The following FOXN3 variants were observed in gnomAD, a reference collection of about 807,000 sequenced individuals.
FOXN3 encodes the protein forkhead box N3, also known as forkhead box protein N3.
FOXN3 carries 7 observed loss-of-function variants against 38.4 expected under a neutral mutation model. The ratio of observed to expected loss-of-function variants is 0.18; its 90% CI spans 0.10 to 0.34. The LOEUF (loss-of-function observed/expected upper bound fraction) is 0.34. Among genes scored for constraint, FOXN3 ranks in the 10% least tolerant of loss-of-function variants. The pLI, the probability that FOXN3 is intolerant of heterozygous loss-of-function variation, is 1.00. For synonymous variants in FOXN3, 230 were observed against 242.2 expected (o/e 0.95, Z 0.47); for missense variants, 456 against 613.4 (o/e 0.74, Z 2.71).
At chr14:89,265,826 C>T (rs1310556415) in intron 4 of FOXN3, among the ~76,000 whole-genome samples, 5 of 152,086 alleles carry the variant, frequency 3.3e-5, no homozygotes, top group Admixed American at 1.3e-4. Context: ...GCCAAGGTCT[C>T]GGGGCATACG....
intron 1 of FOXN3, among the ~76,000 whole-genome samples, chr14:89,554,400 T>A (rs1895070503): frequency 6.6e-6 from 1 of 152,162 alleles, no homozygotes; most frequent in African/African-American, 2.4e-5. Context: ...TCTTCCAAAG[T>A]GCTGGGATTA....
At chr14:89,544,076 T>C (rs927339581) in intron 1 of FOXN3, among the ~76,000 whole-genome samples, 6 of 150,324 alleles carry the variant, frequency 4.0e-5, no homozygotes, top group South Asian at 2.1e-4. Context: ...TTTAGCTGCA[T>C]TTTTTTTAAG....
At chr14:89,199,579 C>T (rs1478629730) in intron 4 of FOXN3, among the ~76,000 whole-genome samples, 2 of 151,802 alleles carry the variant, frequency 1.3e-5, no homozygotes, top group East Asian at 1.9e-4. Flanking sequence ...GTGGGGGACT[C>T]GGGGGGAAAG....
At chr14:89,172,434 T>C (rs1028299181) in intron 5 of FOXN3, among the ~76,000 whole-genome samples, 2 of 152,212 alleles carry the variant, frequency 1.3e-5, no homozygotes, top group South Asian at 2.1e-4. Context: ...AGAGATTCCA[T>C]ACCACTCTAG....
intron 1 of FOXN3, among the ~76,000 whole-genome samples, chr14:89,474,922 T>C (rs1893181086): frequency 2.0e-5 from 3 of 152,132 alleles, no homozygotes; most frequent in Admixed American, 2.0e-4. Flanking sequence ...TTGAGGCAAT[T>C]TTCCTGCCTC....
intron 3 of FOXN3, among the ~76,000 whole-genome samples, chr14:89,302,843 A>C (rs941299570): frequency 6.6e-6 from 1 of 152,162 alleles, no homozygotes; most frequent in Non-Finnish European, 1.5e-5. Context: ...CTTCAAAGGC[A>C]TTGTTCAAAG....
chr14:89,570,062 G>A (rs953438610), intron 1 of FOXN3, among the ~76,000 whole-genome samples: 5 of 151,344 alleles, frequency 3.3e-5, no homozygotes, highest in East Asian at 2.0e-4. Flanking sequence ...GTGCAGTGGC[G>A]CAATCTCGGC....
intron 1 of FOXN3, among the ~76,000 whole-genome samples, chr14:89,513,897 TTCTC>T (rs375826060): frequency 2.1e-5 from 3 of 139,830 alleles, no homozygotes; most frequent in Non-Finnish European, 3.1e-5. Flanking sequence ...TTCCTTCTCT[TTCTC>T]TCTTACACAC....
At chr14:89,190,782 G>A (rs1596090585) in intron 4 of FOXN3, among the ~76,000 whole-genome samples, 1 of 152,164 alleles carries the variant, frequency 6.6e-6, no homozygotes, top group Non-Finnish European at 1.5e-5. Context: ...TGAGGAGCAG[G>A]AGAGTCAGTG....
At chr14:89,462,994 C>T (rs1892879801) in intron 1 of FOXN3, among the ~76,000 whole-genome samples, 1 of 151,392 alleles carries the variant, frequency 6.6e-6, no homozygotes, top group Non-Finnish European at 1.5e-5. Flanking sequence ...CTCTCTTCCT[C>T]TTCTTAAAAA....
chr14:89,594,747 G>A (rs916700496), intron 1 of FOXN3, among the ~76,000 whole-genome samples: 2 of 151,772 alleles, frequency 1.3e-5, no homozygotes, highest in Non-Finnish European at 2.9e-5. Context: ...GTTCTTTTGG[G>A]TCCTGGCGCA....
intron 4 of FOXN3, among the ~76,000 whole-genome samples, chr14:89,219,548 G>A (rs1450538219): frequency 6.6e-6 from 1 of 152,164 alleles, no homozygotes; most frequent in East Asian, 1.9e-4. Flanking sequence ...TGTTCCCCGA[G>A]AGCATGGCAC....
chr14:89,269,884 A>T (rs1596143774), intron 4 of FOXN3, among the ~76,000 whole-genome samples: 1 of 151,990 alleles, frequency 6.6e-6, no homozygotes, highest in Non-Finnish European at 1.5e-5. Context: ...TGCTTCCCTA[A>T]CCCATAAATA....
intron 1 of FOXN3, among the ~76,000 whole-genome samples, chr14:89,495,885 G>C (rs1391328009): frequency 6.6e-6 from 1 of 152,168 alleles, no homozygotes; most frequent in Non-Finnish European, 1.5e-5. Context: ...ACCTTGCTTA[G>C]GTCACCTGAT....
chr14:89,535,799 T>C (rs940531079), intron 1 of FOXN3, among the ~76,000 whole-genome samples: 1 of 152,186 alleles, frequency 6.6e-6, no homozygotes, highest in Non-Finnish European at 1.5e-5. Context: ...ACTTTTTACC[T>C]CTTCATAATA....
intron 4 of FOXN3, among the ~76,000 whole-genome samples, chr14:89,251,707 T>C (rs1399065612): frequency 1.3e-5 from 2 of 152,258 alleles, no homozygotes; most frequent in African/African-American, 4.8e-5. Flanking sequence ...CTTTATGAAA[T>C]ATTCCATTTT....
intron 5 of FOXN3, among the ~76,000 whole-genome samples, chr14:89,176,735 T>C (rs1887529015): frequency 6.6e-6 from 1 of 152,238 alleles, no homozygotes; most frequent in South Asian, 2.1e-4. Flanking sequence ...CAAGCACTTC[T>C]TAATGGGTTT....
chr14:89,266,449 G>A (rs559986773), intron 4 of FOXN3, among the ~76,000 whole-genome samples: 117 of 152,218 alleles, frequency 7.7e-4, no homozygotes, highest in Middle Eastern at 3.4e-3. Flanking sequence ...GCGGGGCGGT[G>A]GTGGTGAAGG....
At chr14:89,493,401 T>G (rs917262701) in intron 1 of FOXN3, among the ~76,000 whole-genome samples, 1 of 152,210 alleles carries the variant, frequency 6.6e-6, no homozygotes, top group South Asian at 2.1e-4. Flanking sequence ...AATACTCATT[T>G]GAACACTCCT....
Sources: allele counts gnomAD v4.1 joint callset (sites outside exome capture counted in the v4.1 genomes callset), GRCh38; gene constraint gnomAD v4.1.1; transcripts MANE v1.5; gene names NCBI Gene and HGNC (gene_info 2026-07-23, HGNC 2026-07-21).